The following API5 variants were observed in gnomAD, a reference collection of about 807,000 sequenced individuals.
The protein encoded by API5 is apoptosis inhibitor 5, also known as FIF.
Under a neutral mutation model 71.9 loss-of-function variants are expected in API5, and 6 were observed. The ratio of observed to expected loss-of-function variants is 0.08; its 90% CI spans 0.05 to 0.16. The LOEUF (loss-of-function observed/expected upper bound fraction) is 0.16. API5 is among the 10% of genes least tolerant of loss of function. API5 has a pLI of 1.00. For synonymous variants in API5, 189 were observed against 221.3 expected, an observed-to-expected ratio of 0.85 and a Z score of 1.30; for missense variants, 332 against 612.8, an observed-to-expected ratio of 0.54 and a Z score of 4.84.
At chr11:43,312,298 T>C in intron 1 of API5, 102 bp downstream of exon 1, 6 of 1,298,744 alleles carry the variant, frequency 4.6e-6, no homozygotes, top group Non-Finnish European at 6.5e-6. Context: ...TGCGGCTTCA[T>C]CCTCCCGGGG....
intron 7 of API5, among the ~76,000 whole-genome samples, chr11:43,326,932 A>G (rs1470620966): frequency 7.2e-5 from 11 of 152,232 alleles, no homozygotes; most frequent in Admixed American, 7.2e-4. Context: ...GGATTAACAC[A>G]AAATATCCTT....
intron 6 of API5, 48 bp downstream of exon 6, chr11:43,323,684 C>A: frequency 1.3e-6 from 2 of 1,536,504 alleles, no homozygotes; most frequent in Non-Finnish European, 9.0e-7. Flanking sequence ...ATATATATTT[C>A]CATAAATACT....
intron 2 of API5, chr11:43,319,115 T>C (rs1854776866): frequency 3.9e-6 from 1 of 254,676 alleles, no homozygotes; most frequent in South Asian, 1.1e-4. Flanking sequence ...AATTAGACTG[T>C]TTTTAATCAA....
At chr11:43,338,165 G>A (rs188141020) in intron 13 of API5, among the ~76,000 whole-genome samples, 1 of 152,284 alleles carries the variant, frequency 6.6e-6, no homozygotes, top group East Asian at 1.9e-4. Flanking sequence ...TTTTACATTT[G>A]AGAATTTAAT....
chr11:43,333,708 AAC>A (rs1855334833), intron 11 of API5, among the ~76,000 whole-genome samples: 1 of 152,212 alleles, frequency 6.6e-6, no homozygotes, highest in African/African-American at 2.4e-5. Context: ...GTAAAGAGGT[AAC>A]AGTCACAGTG....
intron 6 of API5, among the ~76,000 whole-genome samples, chr11:43,324,497 C>T (rs571562902): frequency 6.6e-6 from 1 of 152,120 alleles, no homozygotes; most frequent in South Asian, 2.1e-4. Flanking sequence ...TCCCTGTAAT[C>T]CCAATCCCAG....
intron 1 of API5, among the ~76,000 whole-genome samples, chr11:43,314,579 T>G (rs1854605396): frequency 1.3e-5 from 2 of 152,216 alleles, no homozygotes; most frequent in Admixed American, 6.5e-5. Context: ...ACATTTCACC[T>G]ACCATGTACC....
intron 11 of API5, among the ~76,000 whole-genome samples, chr11:43,333,297 C>G (rs1314161659): frequency 6.6e-6 from 1 of 152,110 alleles, no homozygotes; most frequent in Admixed American, 6.5e-5. Flanking sequence ...TCATACTTAT[C>G]AACTTAAAAT....
chr11:43,335,883 A>G lies in API5; in HGVS notation c.1381A>G (p.Thr461Ala). The G allele has an allele frequency of 5.6e-6, 9 of 1,612,298 alleles. No individual in the cohort carries two copies. Among genetic ancestry groups the G allele is most frequent in the Non-Finnish European group, 7.6e-6 (9 of 1,179,624 alleles). The change falls in exon 13 of 14, where the codon ACT becomes GCT. Residue 461 changes from threonine to alanine, a missense_variant. Physicochemically the swap from Thr to Ala is moderately conservative, Grantham distance 58. Coordinates refer to ENST00000531273, the MANE Select transcript of API5 (RefSeq NM_001142930.2). The stretch of plus-strand genomic sequence containing the variant: ...GCAAAAGAGAGCCAGTGAAGATACA[A>G]CTTCAGGTTCACCACCCAAGAAATC... ...IGQKRASEDT[T>A]SGSPPKKSSA...
At chr11:43,319,970 C>T (rs756592486) in intron 2 of API5, among the ~76,000 whole-genome samples, 12 of 151,550 alleles carry the variant, frequency 7.9e-5, no homozygotes, top group South Asian at 4.2e-4. Flanking sequence ...TCTCCTTCAG[C>T]GAGACATTGT....
intron 1 of API5, among the ~76,000 whole-genome samples, chr11:43,313,098 C>T (rs951088193): frequency 6.9e-6 from 1 of 145,718 alleles, no homozygotes; most frequent in African/African-American, 2.5e-5. Context: ...CAAAGCAAGA[C>T]CCCGTCTCAA....
chr11:43,312,122 C>G lies in API5; in HGVS notation c.-6C>G. On this transcript the variant is annotated 5_prime_UTR_variant, in exon 1 of 14. Transcript: ENST00000531273. The stretch of plus-strand genomic sequence containing the variant: ...GCGGAACCGGGCCCTGGGCTTGTCG[C>G]TCACCATGCCGACAGTAGAGGAGCT... 1.2e-6 allele frequency: 2 copies of G among 1,613,634 alleles called. No individual in the cohort carries two copies. Among genetic ancestry groups the G allele is most frequent in the Non-Finnish European group, 1.7e-6 (2 of 1,179,926 alleles).
chr11:43,323,955 T>C (rs1854981693), intron 6 of API5, among the ~76,000 whole-genome samples: 1 of 152,188 alleles, frequency 6.6e-6, no homozygotes, highest in African/African-American at 2.4e-5. Flanking sequence ...TTGGTCTGTG[T>C]TTATGAAGGC....
Position 43,343,430 on chromosome 11 carries a change from A to T in API5, c.*920A>T, listed in dbSNP as rs1855687080. 6.6e-6 allele frequency: 1 copy of T among 152,544 alleles called. No individual in the cohort carries two copies. Among genetic ancestry groups the T allele is most frequent in the South Asian group, 2.1e-4 (1 of 4,828 alleles). 9.4% of individuals were successfully genotyped at this position (152,544 alleles called of 1,614,324 possible). On this transcript the variant is annotated 3_prime_UTR_variant, in exon 14 of 14. Transcript: ENST00000531273. ...ACTAAGAATAAAGGCTGCATTTTCA[A>T]AGATAAATTGGAATTGCTGTTGGTG...
chr11:43,340,785 A>G (rs11828286), intron 13 of API5, among the ~76,000 whole-genome samples: 14,506 of 152,198 alleles, frequency 0.095, 945 homozygotes, highest in Admixed American at 0.23. Flanking sequence ...CTGTACAAAA[A>G]CCAACTCAAA....
At chr11:43,338,374 C>T (rs190740771) in intron 13 of API5, among the ~76,000 whole-genome samples, 5 of 152,214 alleles carry the variant, frequency 3.3e-5, no homozygotes, top group African/African-American at 1.2e-4. Flanking sequence ...CATATACCCA[C>T]GTTTAGTTTT....
chr11:43,326,732 A>C (rs556249326), intron 7 of API5, 121 bp downstream of exon 7: 7 of 620,734 alleles, frequency 1.1e-5, no homozygotes, highest in Middle Eastern at 2.6e-4. Flanking sequence ...ATGGCCAGCC[A>C]GTAATCTCCC....
intron 1 of API5, among the ~76,000 whole-genome samples, chr11:43,313,072 A>T (rs1026954721): frequency 2.0e-5 from 3 of 149,206 alleles, no homozygotes; most frequent in Non-Finnish European, 4.4e-5. Context: ...GCTTCACTGC[A>T]CTCCAGCCTG....
At chr11:43,337,447 C>T (rs1855473868) in intron 13 of API5, among the ~76,000 whole-genome samples, 1 of 152,100 alleles carries the variant, frequency 6.6e-6, no homozygotes, top group Non-Finnish European at 1.5e-5. Flanking sequence ...TCTGAACAAA[C>T]AGATTATATA....
Sources: allele counts gnomAD v4.1 joint callset (sites outside exome capture counted in the v4.1 genomes callset), GRCh38; gene constraint gnomAD v4.1.1; transcripts MANE v1.5; gene names NCBI Gene and HGNC (gene_info 2026-07-23, HGNC 2026-07-21).